CACHD1: variants seen among roughly 807,000 people sequenced by gnomAD.
CACHD1 encodes the protein cache domain containing 1, also known as VWFA and cache domain-containing protein 1.
In CACHD1, 71 loss-of-function variants were observed where a neutral mutation model predicts 138.7. The observed-to-expected ratio is 0.51, with a 90% CI of 0.42 to 0.62. The LOEUF (loss-of-function observed/expected upper bound fraction) is 0.62. Ranked by LOEUF, CACHD1 falls within the 20% of genes least tolerant of loss-of-function variation. The pLI, the probability that CACHD1 is intolerant of heterozygous loss-of-function variation, is 0.00. For missense variants in CACHD1, 1,389 were observed against 1,625.3 expected (o/e 0.85, Z 2.50); for synonymous variants, 578 against 591.5 (o/e 0.98, Z 0.33).
chr1:64,502,604 T>A (rs769939707), intron 1 of CACHD1, among the ~76,000 whole-genome samples: 1 of 125,882 alleles, frequency 7.9e-6, no homozygotes, highest in African/African-American at 4.8e-5. Flanking sequence ...AGGTACAGCA[T>A]AAAATCTTTT....
In CACHD1 at chr1:64,521,812, T is replaced by G. The variant is rs189213022; in HGVS notation, c.199-28782T>G. ...AATGTCTATTCAGATTCTTTGCCTA[T>G]TTTTAAATTATCTTTTTATTGAGTT... On this transcript the variant is annotated intron_variant, in intron 1 of 26. Transcript: ENST00000651257. Among the ~76,000 whole-genome samples the G allele has an allele frequency of 1.1e-3, 164 of 152,340 alleles. 1 individual carries two copies. Among genetic ancestry groups the G allele is most frequent in the African/African-American group, 3.9e-3 (162 of 41,586 alleles).
intron 1 of CACHD1, among the ~76,000 whole-genome samples, chr1:64,547,136 G>A (rs1375689665): frequency 6.6e-6 from 1 of 152,158 alleles, no homozygotes; most frequent in Non-Finnish European, 1.5e-5. Context: ...TCTGTAAAAT[G>A]TGGTTTCAGA....
chr1:64,664,384 A>G (rs1649556364), intron 14 of CACHD1, 114 bp from the exon 15 acceptor site: 2 of 1,015,028 alleles, frequency 2.0e-6, no homozygotes, highest in South Asian at 1.7e-5. Flanking sequence ...AGATTTTTAA[A>G]AAGTAATTCG....
At chr1:64,566,722 T>C (rs72673348) in intron 2 of CACHD1, among the ~76,000 whole-genome samples, 9,808 of 151,676 alleles carry the variant, frequency 0.065, 452 homozygotes, top group Non-Finnish European at 0.098. Context: ...AAAGGGAAGA[T>C]TTACAAACAA....
chr1:64,544,284 G>T (rs1646701207), intron 1 of CACHD1, among the ~76,000 whole-genome samples: 2 of 152,090 alleles, frequency 1.3e-5, no homozygotes, highest in Admixed American at 6.5e-5. Flanking sequence ...GCTTGCAAAG[G>T]TATTTATTTC....
At chr1:64,600,924 A>C (rs746883131) in intron 3 of CACHD1, among the ~76,000 whole-genome samples, 6 of 152,236 alleles carry the variant, frequency 3.9e-5, no homozygotes, top group Non-Finnish European at 8.8e-5. Flanking sequence ...AACTAAGACG[A>C]AATAAAATAG....
intron 20 of CACHD1, 55 bp from the exon 21 acceptor site, chr1:64,675,842 C>A: frequency 1.7e-6 from 2 of 1,171,534 alleles, no homozygotes; most frequent in Non-Finnish European, 2.4e-6. Context: ...AGCACATGTA[C>A]AACTTACAGT....
At chr1:64,577,691 A>G (rs1022675217) in intron 2 of CACHD1, among the ~76,000 whole-genome samples, 1 of 152,220 alleles carries the variant, frequency 6.6e-6, no homozygotes, top group Non-Finnish European at 1.5e-5. Context: ...TGACTTGTAC[A>G]TAGTTGGCAC....
At position 64,470,310 on chromosome 1, in the gene CACHD1, C is replaced by A. The variant is rs902718332; in HGVS notation, c.-435C>A. On this transcript the variant is annotated 5_prime_UTR_variant, in exon 1 of 27. Coordinates refer to ENST00000651257, the MANE Select transcript of CACHD1 (RefSeq NM_020925.4). This position sits in a 1 kb window ranked among gnomAD's most constrained non-coding sequence, Gnocchi z 5.2. ...GCTCCTCTTCCCCGGGGGCCGCCGT[C>A]AGTCCTCGCCGCCGCCTGCTCGCTG... 1.3e-5 allele frequency among the ~76,000 whole-genome samples: 2 copies of A among 151,962 alleles called. No homozygotes were observed. The highest frequency in any genetic ancestry group is 1.5e-5 in the Non-Finnish European group (1 of 67,968).
At chr1:64,476,412 C>A (rs1280545502) in intron 1 of CACHD1, among the ~76,000 whole-genome samples, 1 of 152,176 alleles carries the variant, frequency 6.6e-6, no homozygotes, top group Non-Finnish European at 1.5e-5. Context: ...TGCATCATAA[C>A]AGGACAGGGC....
chr1:64,669,655 C>T (rs991388346), intron 16 of CACHD1, among the ~76,000 whole-genome samples: 1 of 151,534 alleles, frequency 6.6e-6, no homozygotes, highest in Admixed American at 6.6e-5. Flanking sequence ...TGCAAACAGC[C>T]TGGTCTGTTG....
At chr1:64,665,949 G>A (rs1649617568) in intron 15 of CACHD1, 108 bp from the exon 16 acceptor site, 1 of 531,576 alleles carries the variant, frequency 1.9e-6, no homozygotes, top group Non-Finnish European at 3.3e-6. Context: ...AGCTTGCAGT[G>A]AGCTGAGATC....
At chr1:64,611,306 T>C (rs1647524832) in intron 4 of CACHD1, among the ~76,000 whole-genome samples, 1 of 152,256 alleles carries the variant, frequency 6.6e-6, no homozygotes. Context: ...GCAGCTGGCT[T>C]GAATTTCTCC....
At chr1:64,589,007 G>C (rs1396453898) in intron 3 of CACHD1, among the ~76,000 whole-genome samples, 1 of 152,174 alleles carries the variant, frequency 6.6e-6, no homozygotes, top group African/African-American at 2.4e-5. Flanking sequence ...GATGGAGTTA[G>C]AGTAAGTAAG....
At chr1:64,628,168 T>G (rs4915992) in intron 4 of CACHD1, among the ~76,000 whole-genome samples, 95,279 of 152,056 alleles carry the variant, frequency 0.63, 33,131 homozygotes, top group Non-Finnish European at 0.78. Context: ...TCTCAGCCCT[T>G]ATAGTCATAT....
At chr1:64,538,127 C>T (rs1557482254) in intron 1 of CACHD1, among the ~76,000 whole-genome samples, 2 of 152,090 alleles carry the variant, frequency 1.3e-5, no homozygotes, top group South Asian at 2.1e-4. Flanking sequence ...GCGTGACAGG[C>T]ACCCTGGCTG....
intron 8 of CACHD1, 74 bp from the exon 9 acceptor site, chr1:64,647,727 A>T: frequency 7.8e-7 from 1 of 1,285,802 alleles, no homozygotes; most frequent in Non-Finnish European, 1.1e-6. Flanking sequence ...CCCGTATTTG[A>T]TCTAAATGGC....
chr1:64,624,582 A>T (rs1005596725), intron 4 of CACHD1, among the ~76,000 whole-genome samples: 1 of 152,178 alleles, frequency 6.6e-6, no homozygotes, highest in African/African-American at 2.4e-5. Flanking sequence ...CACTCATGTC[A>T]GCCAGATGTC....
chr1:64,586,986 A>G (rs555013744), intron 3 of CACHD1, among the ~76,000 whole-genome samples: 5 of 152,280 alleles, frequency 3.3e-5, no homozygotes, highest in Admixed American at 1.3e-4. Flanking sequence ...CCATATGTAT[A>G]TGTATTAATA....
Sources: gnomAD v4.1 joint callset for allele counts (sites outside exome capture counted in the v4.1 genomes callset) on GRCh38, gnomAD v4.1.1 for gene constraint, Gnocchi (gnomAD v3.1) non-coding constraint, MANE v1.5 for transcripts, NCBI Gene and HGNC (gene_info 2026-07-23, HGNC 2026-07-21) for gene names.